DNPEP: variants seen among roughly 807,000 people sequenced by gnomAD.
DNPEP encodes the protein aspartyl aminopeptidase.
A neutral mutation model predicts 59.1 loss-of-function variants in DNPEP; 46 were observed. That is an observed-to-expected ratio of 0.78 (90% CI 0.61 to 0.99). The LOEUF is 0.99. DNPEP is among the 50% of genes least tolerant of loss of function. The pLI is 0.00. For synonymous variants in DNPEP, 229 were observed against 242.2 expected, an observed-to-expected ratio of 0.95 and a Z score of 0.50; for missense variants, 617 against 649.9, an observed-to-expected ratio of 0.95 and a Z score of 0.55.
In DNPEP at chr2:219,386,343, C is replaced by T; in HGVS notation, c.402G>A (p.Gly134=). 1.2e-6 allele frequency: 2 copies of T among 1,614,232 alleles called. No individual in the cohort carries two copies. Among genetic ancestry groups the T allele is most frequent in the Non-Finnish European group, 1.7e-6 (2 of 1,180,042 alleles). Residue 134 remains glycine, a synonymous_variant, in exon 5 of 15, where the codon GGG becomes GGA. Transcript: ENST00000273075. ...CACGGTCAAACCAGGTGCTCCAGAT[C>T]CCACCACCATAGGTCTCCACACCGA... is the stretch of plus-strand genomic sequence containing the variant. ...QQVGVETYGG[G]IWSTWFDRDL... is the part of the protein sequence containing the mutation.
intron 4 of DNPEP, 108 bp from the exon 5 acceptor site, chr2:219,386,519 G>A (rs532568762): frequency 1.3e-6 from 2 of 1,530,408 alleles, no homozygotes; most frequent in Non-Finnish European, 1.8e-6. Flanking sequence ...CACATGAAAG[G>A]CTCAAGGTGT....
At chr2:219,387,285 T>A in intron 1 of DNPEP, 122 bp from the exon 2 acceptor site, 1 of 1,454,420 alleles carries the variant, frequency 6.9e-7, no homozygotes, top group Non-Finnish European at 9.1e-7. Flanking sequence ...GACCTCTGCT[T>A]CCGCCCGTCC....
Position 219,383,112 on chromosome 2 carries a change from C to T in DNPEP, c.936+19G>A, listed in dbSNP as rs199850293. 3 of 1,611,792 alleles carry T rather than the reference C, an allele frequency of 1.9e-6. No homozygotes were observed. Among genetic ancestry groups the T allele is most frequent in the Admixed American group, 3.3e-5 (2 of 60,024 alleles). ...GGAAGACTCCGCAGAGGTGACCCTC[C>T]CCAGAACCCTCCACGTACCTCTTCG... is the stretch of plus-strand genomic sequence containing the variant. On this transcript the variant is annotated intron_variant, in intron 10 of 14. Coordinates refer to ENST00000273075, the MANE Select transcript of DNPEP (RefSeq NM_012100.4).
chr2:219,375,492 AAATAAG>A (rs199879105), intron 13 of DNPEP, among the ~76,000 whole-genome samples: 2,844 of 152,212 alleles, frequency 0.019, 51 homozygotes, highest in African/African-American at 0.045. Flanking sequence ...CTATTTAACT[AAATAAG>A]AATAATTTTA....
At chr2:219,383,793 C>G (rs1953698670) in intron 9 of DNPEP, among the ~76,000 whole-genome samples, 1 of 152,086 alleles carries the variant, frequency 6.6e-6, no homozygotes, top group African/African-American at 2.4e-5. Flanking sequence ...TCAATTACAG[C>G]CCAAAGCCTA....
At chr2:219,392,370 G>A (rs1055832151), upstream of DNPEP, among the ~76,000 whole-genome samples, 3 of 150,114 alleles carry the variant, frequency 2.0e-5, no homozygotes, top group African/African-American at 4.9e-5. Context: ...TTATTGAGAC[G>A]GAGTCTCGCT....
rs1391184582 is a variant in DNPEP at position 219,375,014 on chromosome 2, C to G, written c.1248G>C (p.Met416Ile). 2 of 1,613,898 alleles carry G rather than the reference C, an allele frequency of 1.2e-6. No individual in the cohort carries two copies. Among genetic ancestry groups the G allele is most frequent in the Non-Finnish European group, 1.7e-6 (2 of 1,179,998 alleles). The change falls in exon 14 of 15, where the codon ATG becomes ATC. Residue 416 changes from methionine to isoleucine, a missense_variant. Physicochemically the swap from Met to Ile is conservative, Grantham distance 10. Transcript: ENST00000273075. Reference protein sequence around the residue: ...NKVKVPLQDLMVRNDTPCGTT... With the variant: ...NKVKVPLQDLIVRNDTPCGTT... ...TTCCACAGGGGGTGTCATTCCGGAC[C>G]ATGAGATCCTAGGGAGAGCAGGAGA... is the stretch of plus-strand genomic sequence containing the variant.
chr2:219,395,976 A>G (rs1457519667), intron 1 of DNPEP, among the ~76,000 whole-genome samples: 2 of 152,248 alleles, frequency 1.3e-5, no homozygotes, highest in African/African-American at 2.4e-5. Flanking sequence ...GTTCTTTGTG[A>G]AAAAGGGCCC....
intron 6 of DNPEP, 92 bp from the exon 7 acceptor site, chr2:219,385,798 C>CCTCTG (rs1953790611): frequency 7.1e-7 from 1 of 1,411,868 alleles, no homozygotes; most frequent in Non-Finnish European, 9.6e-7. Context: ...TGGGCAACTG[C>CCTCTG]CTCTGCCCTT....
At chr2:219,388,831 T>C, upstream of DNPEP, 11 of 985,512 alleles carry the variant, frequency 1.1e-5, no homozygotes, top group Non-Finnish European at 1.3e-5. Flanking sequence ...ATTGGCCTGT[T>C]ACCTCGTTTA....
At chr2:219,399,153 G>A (rs867657032) in intron 1 of DNPEP, among the ~76,000 whole-genome samples, 5 of 152,176 alleles carry the variant, frequency 3.3e-5, no homozygotes, top group African/African-American at 4.8e-5. Flanking sequence ...AACAGTGTCT[G>A]CCCAGGTAGG....
In DNPEP at chr2:219,374,159, C is replaced by T; in HGVS notation, c.*133G>A. On this transcript the variant is annotated 3_prime_UTR_variant, in exon 15 of 15. Transcript: ENST00000273075. The stretch of plus-strand genomic sequence containing the variant: ...AGGTTCAAGCCAGGCTCAACTCCCA[C>T]TCCTCTAGTCTCCAAATAAGCGTAG... 1 of 899,608 alleles carries T rather than the reference C, an allele frequency of 1.1e-6. No individual in the cohort carries two copies. The highest frequency in any genetic ancestry group is 1.7e-6 in the Non-Finnish European group (1 of 575,984). The allele number at this position is 899,608 out of a possible 1,614,324, so 55.7% of individuals were successfully genotyped here.
At chr2:219,381,907 C>T (rs1366148647) in intron 11 of DNPEP, 72 bp downstream of exon 11, 3 of 1,565,960 alleles carry the variant, frequency 1.9e-6, no homozygotes, top group Non-Finnish European at 1.7e-6. Flanking sequence ...GGGGCCAAGG[C>T]AGAGCCTCAA....
Position 219,373,671 on chromosome 2 carries a change from T to A in DNPEP, c.*621A>T, listed in dbSNP as rs1184434186. The A allele has an allele frequency of 6.6e-6, 1 of 152,338 alleles. No individual in the cohort carries two copies. Among genetic ancestry groups the A allele is most frequent in the East Asian group, 1.9e-4 (1 of 5,202 alleles). 9.4% of individuals were successfully genotyped at this position (152,338 alleles called of 1,614,324 possible). On this transcript the variant is annotated 3_prime_UTR_variant, in exon 15 of 15. Coordinates refer to ENST00000273075, the MANE Select transcript of DNPEP (RefSeq NM_012100.4). ...TGAGCCGCTGCACCCGGCCAGACTT[T>A]GACTTTTCCAATTTTTTCAATGATA...
At position 219,385,433 on chromosome 2, in the gene DNPEP, G is replaced by A. The variant is rs762852646; in HGVS notation, c.765C>T (p.Thr255=). The change falls in exon 8 of 15, where the codon ACC becomes ACT. Residue 255 remains threonine (T), a synonymous_variant. Coordinates refer to ENST00000273075, the MANE Select transcript of DNPEP (RefSeq NM_012100.4). ...IVEMELCLAD[T]QPAVLGGAYD... Reference sequence around the variant, plus strand: ...TACAGCCAGTCCTCACCGCAGGCTGGGTGTCTGCAAGGCAGAGCTCCATCT... The same window carrying A: ...TACAGCCAGTCCTCACCGCAGGCTGAGTGTCTGCAAGGCAGAGCTCCATCT... 2 of 1,609,242 alleles carry A rather than the reference G, an allele frequency of 1.2e-6. No homozygotes were observed. Among genetic ancestry groups the A allele is most frequent in the South Asian group, 1.1e-5 (1 of 90,962 alleles).
intron 4 of DNPEP, 63 bp from the exon 5 acceptor site, chr2:219,386,474 G>A: frequency 6.2e-7 from 1 of 1,606,928 alleles, no homozygotes; most frequent in Non-Finnish European, 8.5e-7. Context: ...TGAGACTTTG[G>A]CTACTCATAA....
In DNPEP at chr2:219,386,667, G is replaced by A. The variant is rs774099295; in HGVS notation, c.331C>T (p.Arg111Trp). The A allele has an allele frequency of 3.1e-6, 5 of 1,610,580 alleles. No homozygotes were observed. Among genetic ancestry groups the A allele is most frequent in the African/African-American group, 1.3e-5 (1 of 74,880 alleles). Residue 111 changes from arginine to tryptophan, a missense_variant and splice_region_variant, in exon 4 of 15, where the codon CGG becomes TGG. Physicochemically the swap from Arg to Trp is moderately radical, Grantham distance 101 (BLOSUM62 -3). Transcript: ENST00000273075. ...IGAHTDSPCL[R>W]VKRRSRRSQV... The stretch of plus-strand genomic sequence containing the variant: ...CCAACACCGTCCGAGTTCCTTACCC[G>A]GAGGCAGGGGCTGTCCGTGTGGGCC...
Position 219,372,069 on chromosome 2 carries a change from T to C in DNPEP, c.*2223A>G, listed in dbSNP as rs79248785. On this transcript the variant is annotated 3_prime_UTR_variant, in exon 15 of 15. Transcript: ENST00000273075. ...ACATTTATCTCAATGTTATTTAGAG[T>C]TGTCAACTGGAGAAAAACTTAAATG... Among the ~76,000 whole-genome samples the C allele has an allele frequency of 6.4e-3, 980 of 152,240 alleles. 11 individuals carry two copies. Among genetic ancestry groups the C allele is most frequent in the African/African-American group, 0.023 (951 of 41,530 alleles).
At chr2:219,388,777 ATG>A (rs1045302099), upstream of DNPEP, 121 of 985,540 alleles carry the variant, frequency 1.2e-4, no homozygotes, top group South Asian at 1.9e-3. Context: ...AATAAGGCTA[ATG>A]TCCATGGGGC....
Sources: allele counts gnomAD v4.1 joint callset (sites outside exome capture counted in the v4.1 genomes callset), GRCh38; gene constraint gnomAD v4.1.1; transcripts MANE v1.5; gene names NCBI Gene and HGNC (gene_info 2026-07-23, HGNC 2026-07-21).